The following KCNH8 variants were observed in gnomAD, a reference collection of about 807,000 sequenced individuals.
The protein encoded by KCNH8 is potassium voltage-gated channel subfamily H member 8.
In KCNH8, 70 loss-of-function variants were observed where a neutral mutation model predicts 103.6. That is an observed-to-expected ratio of 0.68 (90% CI 0.56 to 0.82). KCNH8 has a LOEUF of 0.82. Ranked by LOEUF, KCNH8 falls within the 40% of genes least tolerant of loss-of-function variation. The probability of loss-of-function intolerance (pLI) is 0.00; values close to 1 mark genes in which losing one functional copy is unlikely to be tolerated. For missense variants in KCNH8, 1,217 were observed against 1,329.9 expected, an observed-to-expected ratio of 0.92 and a Z score of 1.32; for synonymous variants, 498 against 489.4, an observed-to-expected ratio of 1.02 and a Z score of -0.23.
At chr3:19,354,608 C>T (rs934031532) in intron 5 of KCNH8, among the ~76,000 whole-genome samples, 28 of 152,232 alleles carry the variant, frequency 1.8e-4, no homozygotes, top group African/African-American at 5.8e-4. Context: ...TTTGACAAAC[C>T]TGAGAAAAAC....
chr3:19,436,053 CA>C (rs1350409772), intron 7 of KCNH8, among the ~76,000 whole-genome samples: 1 of 152,096 alleles, frequency 6.6e-6, no homozygotes, highest in East Asian at 1.9e-4. Context: ...TCGAAAAATA[CA>C]TCAACTGAAT....
chr3:19,184,594 TTAAA>T (rs767803284), intron 1 of KCNH8, among the ~76,000 whole-genome samples: 14 of 152,078 alleles, frequency 9.2e-5, no homozygotes, highest in African/African-American at 2.6e-4. Context: ...TAAAATGGCG[TTAAA>T]TAAAGTTAAA....
At chr3:19,388,367 C>A (rs1050475021) in intron 5 of KCNH8, among the ~76,000 whole-genome samples, 1 of 151,934 alleles carries the variant, frequency 6.6e-6, no homozygotes, top group African/African-American at 2.4e-5. Flanking sequence ...ATTGCTAATG[C>A]GGAAGTACCT....
At chr3:19,493,445 G>T (rs895808785) in intron 11 of KCNH8, among the ~76,000 whole-genome samples, 1 of 152,038 alleles carries the variant, frequency 6.6e-6, no homozygotes, top group Non-Finnish European at 1.5e-5. Context: ...TTTTATAAAT[G>T]GCAGTTTTTC....
chr3:19,387,202 A>G (rs1246165820), intron 5 of KCNH8, among the ~76,000 whole-genome samples: 2 of 152,096 alleles, frequency 1.3e-5, no homozygotes, highest in Non-Finnish European at 2.9e-5. Flanking sequence ...CCCTAATTTA[A>G]TATTATTTTA....
intron 1 of KCNH8, among the ~76,000 whole-genome samples, chr3:19,170,701 T>TAC (rs1275344180): frequency 1.4e-5 from 2 of 146,502 alleles, no homozygotes; most frequent in African/African-American, 2.5e-5. Flanking sequence ...CACACATATA[T>TAC]ATACACATAT....
chr3:19,171,167 G>C (rs1371009409), intron 1 of KCNH8, among the ~76,000 whole-genome samples: 1 of 151,960 alleles, frequency 6.6e-6, no homozygotes, highest in Non-Finnish European at 1.5e-5. Context: ...ATTCTTACTT[G>C]TTCTAATTTC....
intron 1 of KCNH8, among the ~76,000 whole-genome samples, chr3:19,229,485 C>G (rs985085181): frequency 2.0e-5 from 3 of 152,002 alleles, no homozygotes; most frequent in African/African-American, 4.8e-5. Context: ...TAGGGGCTTG[C>G]ACCCTCTGAA....
intron 1 of KCNH8, among the ~76,000 whole-genome samples, chr3:19,247,782 G>GT (rs2064224999): frequency 3.3e-5 from 5 of 152,208 alleles, no homozygotes; most frequent in Admixed American, 2.6e-4. Flanking sequence ...TGCCAAGTCA[G>GT]TGTGTATCAG....
At chr3:19,244,210 C>T (rs1167889472) in intron 1 of KCNH8, among the ~76,000 whole-genome samples, 1 of 152,124 alleles carries the variant, frequency 6.6e-6, no homozygotes, top group African/African-American at 2.4e-5. Flanking sequence ...CTTTCCTTTT[C>T]CTCTGGGATG....
intron 11 of KCNH8, among the ~76,000 whole-genome samples, chr3:19,486,194 C>G (rs1171238697): frequency 6.6e-6 from 1 of 152,200 alleles, no homozygotes; most frequent in East Asian, 1.9e-4. Context: ...AAGGTCAGGT[C>G]TGCTAGAATA....
chr3:19,309,873 A>G (rs1303475840), intron 3 of KCNH8, among the ~76,000 whole-genome samples: 2 of 151,910 alleles, frequency 1.3e-5, no homozygotes, highest in African/African-American at 4.8e-5. Context: ...CAACAGGACA[A>G]TTTGCTTTGG....
rs190701674 is a variant in KCNH8, at chr3:19,514,370, T to C, written c.2436-952T>C. Among the ~76,000 whole-genome samples, 371 of 152,146 alleles carry C rather than the reference T, an allele frequency of 2.4e-3. 3 individuals are homozygous for C. Among genetic ancestry groups the C allele is most frequent in the Admixed American group, 6.9e-3 (105 of 15,266 alleles). ...AGTTGGAGATGGTAATTTGAAAATA[T>C]TGCTTAACTCTTCTTCCTAAGTTTA... On this transcript the variant is annotated intron_variant, in intron 13 of 15. Transcript: ENST00000328405.
At chr3:19,155,753 C>G (rs1324858851) in intron 1 of KCNH8, among the ~76,000 whole-genome samples, 1 of 152,222 alleles carries the variant, frequency 6.6e-6, no homozygotes, top group Non-Finnish European at 1.5e-5. Context: ...AACTCCTTCT[C>G]TGAGGCTCCG....
chr3:19,216,394 G>A (rs1038228627), intron 1 of KCNH8, among the ~76,000 whole-genome samples: 7 of 152,190 alleles, frequency 4.6e-5, no homozygotes, highest in Non-Finnish European at 1.0e-4. Context: ...AATTCAAGTG[G>A]TGCCACATTT....
At chr3:19,410,536 C>G (rs1559314597) in intron 7 of KCNH8, among the ~76,000 whole-genome samples, 1 of 151,764 alleles carries the variant, frequency 6.6e-6, no homozygotes, top group Non-Finnish European at 1.5e-5. Context: ...AAATAAATAA[C>G]AAAAATCGGA....
intron 11 of KCNH8, among the ~76,000 whole-genome samples, chr3:19,478,753 T>C (rs1015922038): frequency 6.6e-6 from 1 of 152,096 alleles, no homozygotes; most frequent in East Asian, 1.9e-4. Context: ...GTAAGACTAG[T>C]TCTAGCCACT....
At chr3:19,243,760 A>C (rs1324601531) in intron 1 of KCNH8, among the ~76,000 whole-genome samples, 2 of 152,136 alleles carry the variant, frequency 1.3e-5, no homozygotes, top group East Asian at 3.9e-4. Flanking sequence ...TTTTTCCTCA[A>C]ATCTTCATGT....
At chr3:19,233,039 C>T (rs893916174) in intron 1 of KCNH8, among the ~76,000 whole-genome samples, 9 of 151,482 alleles carry the variant, frequency 5.9e-5, no homozygotes, top group Non-Finnish European at 1.3e-4. Context: ...CTTATCCCTA[C>T]ACCTCAATGT....
Sources: gnomAD v4.1 joint callset for allele counts (sites outside exome capture counted in the v4.1 genomes callset) on GRCh38, gnomAD v4.1.1 for gene constraint, MANE v1.5 for transcripts, NCBI Gene and HGNC (gene_info 2026-07-23, HGNC 2026-07-21) for gene names.